MOGAT1: variants seen among roughly 807,000 people sequenced by gnomAD.
MOGAT1 encodes the protein 2-acylglycerol O-acyltransferase 1.
A neutral mutation model predicts 31.4 loss-of-function variants in MOGAT1; 32 were observed. That is an observed-to-expected ratio of 1.02 (90% CI 0.77 to 1.37). The LOEUF is 1.37. MOGAT1 is among the 40% of genes most tolerant of loss of function. The pLI is 0.00. For missense variants in MOGAT1, 426 were observed against 402.0 expected, an observed-to-expected ratio of 1.06 and a Z score of -0.51; for synonymous variants, 145 against 144.5, an observed-to-expected ratio of 1.00 and a Z score of -0.03.
chr2:222,686,085 A>G (rs1250264587), intron 1 of MOGAT1, among the ~76,000 whole-genome samples: 1 of 152,130 alleles, frequency 6.6e-6, no homozygotes, highest in Non-Finnish European at 1.5e-5. Flanking sequence ...CAGTTTTTCC[A>G]TCTTTGTAGA....
intron 1 of MOGAT1, among the ~76,000 whole-genome samples, chr2:222,679,534 A>G (rs1692548591): frequency 6.6e-6 from 1 of 152,230 alleles, no homozygotes; most frequent in South Asian, 2.1e-4. Context: ...CATATGTCCT[A>G]AAACCAAGAA....
intron 5 of MOGAT1, among the ~76,000 whole-genome samples, chr2:222,705,925 TG>T (rs1042193216): frequency 6.6e-6 from 1 of 152,206 alleles, no homozygotes; most frequent in African/African-American, 2.4e-5. Context: ...AGTAAAGGTA[TG>T]ATTATAATCT....
chr2:222,697,147 T>A (rs1692848643), intron 5 of MOGAT1, among the ~76,000 whole-genome samples: 1 of 152,196 alleles, frequency 6.6e-6, no homozygotes, highest in East Asian at 1.9e-4. Flanking sequence ...CAGGCACTAA[T>A]AGCAGAATTA....
At position 222,709,816 on chromosome 2, in the gene MOGAT1, G is replaced by A. The variant is rs369438404; in HGVS notation, c.934G>A (p.Glu312Lys). The A allele has an allele frequency of 2.5e-6, 4 of 1,613,532 alleles. No individual in the cohort carries two copies. Among genetic ancestry groups the A allele is most frequent in the Non-Finnish European group, 2.5e-6 (3 of 1,179,644 alleles). Residue 312 changes from glutamate to lysine, a missense_variant, in exon 6 of 6, where the codon GAA becomes AAA. Transcript: ENST00000446656. ...GGAGTTACATCAGACCTATATGGAG[G>A]AACTTAGGAAATTGTTTGAGGAACA... ...IEELHQTYME[E>K]LRKLFEEHKG...
intron 3 of MOGAT1, among the ~76,000 whole-genome samples, chr2:222,690,825 G>A (rs1384676501): frequency 6.6e-6 from 1 of 152,194 alleles, no homozygotes; most frequent in East Asian, 1.9e-4. Context: ...CTTAACCACC[G>A]AAAGTGGGGT....
chr2:222,678,530 G>A (rs1050045399), intron 1 of MOGAT1, among the ~76,000 whole-genome samples: 46 of 152,108 alleles, frequency 3.0e-4, no homozygotes, highest in African/African-American at 1.0e-3. Context: ...TTCAGTCTAT[G>A]GATTATCCTT....
chr2:222,700,726 A>T (rs1692906676), intron 5 of MOGAT1, among the ~76,000 whole-genome samples: 1 of 152,210 alleles, frequency 6.6e-6, no homozygotes, highest in African/African-American at 2.4e-5. Context: ...ACAATTCCAT[A>T]AAAAAAGTAA....
intron 1 of MOGAT1, among the ~76,000 whole-genome samples, chr2:222,675,645 G>A (rs567840733): frequency 2.6e-5 from 4 of 151,706 alleles, no homozygotes; most frequent in Admixed American, 6.6e-5. Context: ...ACGCCCGGCT[G>A]ATTTTTTGTA....
At chr2:222,702,428 A>G (rs1692941665) in intron 5 of MOGAT1, among the ~76,000 whole-genome samples, 1 of 152,164 alleles carries the variant, frequency 6.6e-6, no homozygotes, top group Non-Finnish European at 1.5e-5. Context: ...TACTGCAGAA[A>G]TATTTAGGGA....
intron 5 of MOGAT1, among the ~76,000 whole-genome samples, chr2:222,704,888 T>C (rs1284274929): frequency 6.6e-6 from 1 of 152,048 alleles, no homozygotes; most frequent in Non-Finnish European, 1.5e-5. Flanking sequence ...TAGGTTATGA[T>C]AGTGTTACAG....
intron 5 of MOGAT1, among the ~76,000 whole-genome samples, chr2:222,706,451 A>G (rs1184886718): frequency 1.4e-5 from 2 of 147,670 alleles, no homozygotes; most frequent in Admixed American, 1.4e-4. Flanking sequence ...CCAGCCTGGG[A>G]GAAAGAGAAA....
chr2:222,705,341 G>A (rs1692989988), intron 5 of MOGAT1, among the ~76,000 whole-genome samples: 1 of 152,186 alleles, frequency 6.6e-6, no homozygotes, highest in African/African-American at 2.4e-5. Flanking sequence ...ATCTGGGAAT[G>A]CAGCCCAGTA....
At chr2:222,687,957 C>T (rs1169545678) in intron 1 of MOGAT1, among the ~76,000 whole-genome samples, 1 of 152,170 alleles carries the variant, frequency 6.6e-6, no homozygotes, top group African/African-American at 2.4e-5. Context: ...CACTTATATG[C>T]TGTGTGGCTT....
intron 1 of MOGAT1, among the ~76,000 whole-genome samples, chr2:222,673,535 A>G (rs773341676): frequency 5.9e-5 from 9 of 152,160 alleles, no homozygotes; most frequent in African/African-American, 9.7e-5. Context: ...GGTAAGGACT[A>G]TTCCTACACT....
At chr2:222,673,331 CAAA>C (rs57706625) in intron 1 of MOGAT1, among the ~76,000 whole-genome samples, 6 of 102,232 alleles carry the variant, frequency 5.9e-5, no homozygotes, top group African/African-American at 8.9e-5. Flanking sequence ...TAGAATTTAC[CAAA>C]AAAAAAAAAA....
At chr2:222,692,269 A>C (rs1362242234) in intron 3 of MOGAT1, among the ~76,000 whole-genome samples, 1 of 152,226 alleles carries the variant, frequency 6.6e-6, no homozygotes, top group African/African-American at 2.4e-5. Flanking sequence ...GATTAATATC[A>C]AAAATATTTG....
chr2:222,682,347 CTCA>C (rs1302682366), intron 1 of MOGAT1, among the ~76,000 whole-genome samples: 2 of 152,198 alleles, frequency 1.3e-5, no homozygotes, highest in Non-Finnish European at 2.9e-5. Flanking sequence ...TCAAATTTCC[CTCA>C]TCGTCTTCAA....
intron 5 of MOGAT1, among the ~76,000 whole-genome samples, chr2:222,699,646 G>A (rs1046406234): frequency 2.2e-4 from 33 of 151,834 alleles, no homozygotes; most frequent in African/African-American, 7.7e-4. Flanking sequence ...ACAGCTGCCC[G>A]CCACCATGCC....
chr2:222,697,844 G>C (rs1418521685), intron 5 of MOGAT1, among the ~76,000 whole-genome samples: 1 of 151,822 alleles, frequency 6.6e-6, no homozygotes, highest in Admixed American at 6.6e-5. Flanking sequence ...CAAAGTGCTG[G>C]GATTACAGGC....
Sources: gnomAD v4.1 joint callset for allele counts (sites outside exome capture counted in the v4.1 genomes callset) on GRCh38, gnomAD v4.1.1 for gene constraint, MANE v1.5 for transcripts, NCBI Gene and HGNC (gene_info 2026-07-23, HGNC 2026-07-21) for gene names.